STXBP5L: variants seen among roughly 807,000 people sequenced by gnomAD.
The protein encoded by STXBP5L is syntaxin-binding protein 5-like.
A neutral mutation model predicts 144.5 loss-of-function variants in STXBP5L; 65 were observed. The ratio of observed to expected loss-of-function variants is 0.45; its 90% CI spans 0.37 to 0.55. The LOEUF is 0.55. Among genes scored for constraint, STXBP5L ranks in the 20% least tolerant of loss-of-function variants. The probability of loss-of-function intolerance (pLI) is 0.00; values close to 1 mark genes in which losing one functional copy is unlikely to be tolerated. For synonymous variants in STXBP5L, 505 were observed against 469.6 expected, an observed-to-expected ratio of 1.08 and a Z score of -0.97; for missense variants, 1,298 against 1,405.5, an observed-to-expected ratio of 0.92 and a Z score of 1.22.
intron 3 of STXBP5L, among the ~76,000 whole-genome samples, chr3:121,038,421 G>A (rs539306061): frequency 1.3e-5 from 2 of 151,666 alleles, no homozygotes; most frequent in African/African-American, 4.8e-5. Flanking sequence ...GGGTTTTCTG[G>A]ATGTTATTAA....
chr3:121,083,948 A>G (rs1480677100), intron 5 of STXBP5L, among the ~76,000 whole-genome samples: 3 of 151,950 alleles, frequency 2.0e-5, no homozygotes, highest in African/African-American at 4.8e-5. Flanking sequence ...TTCATTCCTG[A>G]TGTTTGCACT....
At chr3:121,226,170 G>A (rs1477027844) in intron 11 of STXBP5L, among the ~76,000 whole-genome samples, 3 of 152,184 alleles carry the variant, frequency 2.0e-5, no homozygotes, top group African/African-American at 4.8e-5. Context: ...CCCAAGGCAT[G>A]CTTGCCATCT....
chr3:121,209,326 A>G (rs940517029), intron 10 of STXBP5L, among the ~76,000 whole-genome samples: 2 of 152,204 alleles, frequency 1.3e-5, no homozygotes, highest in African/African-American at 4.8e-5. Flanking sequence ...TTCTGGTTCT[A>G]GATCCTTGAG....
At chr3:120,989,257 T>C (rs2107942977) in intron 3 of STXBP5L, among the ~76,000 whole-genome samples, 1 of 152,284 alleles carries the variant, frequency 6.6e-6, no homozygotes, top group African/African-American at 2.4e-5. Context: ...ACAAGCAATG[T>C]ATAATTGTTC....
chr3:121,353,893 A>G (rs950592553), intron 20 of STXBP5L, among the ~76,000 whole-genome samples: 1 of 152,092 alleles, frequency 6.6e-6, no homozygotes, highest in African/African-American at 2.4e-5. Flanking sequence ...CTTTGTTCTC[A>G]TTGGTTTCAA....
chr3:121,300,814 T>TA (rs143841897), intron 19 of STXBP5L, among the ~76,000 whole-genome samples: 5,446 of 152,072 alleles, frequency 0.036, 144 homozygotes, highest in Middle Eastern at 0.082. Flanking sequence ...TTATATTAAA[T>TA]AGAGTACACA....
chr3:121,185,229 G>T (rs1351433269), intron 9 of STXBP5L, among the ~76,000 whole-genome samples: 24 of 152,084 alleles, frequency 1.6e-4, no homozygotes, highest in Non-Finnish European at 2.9e-5. Flanking sequence ...TGCAAAAATT[G>T]TCTCCCATTC....
At chr3:121,402,134 A>T (rs1278436123) in intron 22 of STXBP5L, among the ~76,000 whole-genome samples, 1 of 152,156 alleles carries the variant, frequency 6.6e-6, no homozygotes, top group East Asian at 1.9e-4. Context: ...AGAAGTTTAA[A>T]AATCCATAAT....
At chr3:121,134,976 G>T (rs998319663) in intron 7 of STXBP5L, among the ~76,000 whole-genome samples, 1 of 150,964 alleles carries the variant, frequency 6.6e-6, no homozygotes, top group Non-Finnish European at 1.5e-5. Flanking sequence ...TTGAGGAATC[G>T]CCACACTGTC....
chr3:121,051,035 C>G (rs2107589352), intron 5 of STXBP5L, among the ~76,000 whole-genome samples: 1 of 152,316 alleles, frequency 6.6e-6, no homozygotes, highest in South Asian at 2.1e-4. Flanking sequence ...GAAGAGCTAA[C>G]TATCCTAAAT....
intron 5 of STXBP5L, among the ~76,000 whole-genome samples, chr3:121,069,107 A>G (rs1027952549): frequency 6.6e-6 from 1 of 152,200 alleles, no homozygotes; most frequent in African/African-American, 2.4e-5. Flanking sequence ...TTCTATCACC[A>G]CAAAGATTGT....
chr3:121,094,017 A>C (rs889892458), intron 5 of STXBP5L, among the ~76,000 whole-genome samples: 2 of 151,864 alleles, frequency 1.3e-5, no homozygotes, highest in Non-Finnish European at 2.9e-5. Context: ...TTCTGCCTTC[A>C]TTTTGTTATG....
intron 3 of STXBP5L, among the ~76,000 whole-genome samples, chr3:120,956,087 C>G (rs1938003653): frequency 6.6e-6 from 1 of 151,910 alleles, no homozygotes; most frequent in African/African-American, 2.4e-5. Flanking sequence ...TCTTACTAAA[C>G]AACTATGATC....
chr3:121,241,418 C>T (rs2049665761), intron 14 of STXBP5L, among the ~76,000 whole-genome samples: 1 of 145,118 alleles, frequency 6.9e-6, no homozygotes, highest in Non-Finnish European at 1.5e-5. Context: ...CACGCACACA[C>T]CTTTCTCCCA....
At chr3:121,122,277 A>C (rs904600775) in intron 7 of STXBP5L, among the ~76,000 whole-genome samples, 41 of 150,710 alleles carry the variant, frequency 2.7e-4, no homozygotes, top group Non-Finnish European at 8.9e-5. Flanking sequence ...CTTTATTTTT[A>C]AAGGATAGAA....
chr3:121,341,651 T>C (rs1249583037), intron 20 of STXBP5L, among the ~76,000 whole-genome samples: 1 of 152,154 alleles, frequency 6.6e-6, no homozygotes, highest in Non-Finnish European at 1.5e-5. Flanking sequence ...AAAGAAAATA[T>C]GGTAGATATA....
intron 5 of STXBP5L, among the ~76,000 whole-genome samples, chr3:121,068,329 G>A (rs1398652318): frequency 6.6e-6 from 1 of 152,186 alleles, no homozygotes; most frequent in Admixed American, 6.5e-5. Context: ...TATACTTGGT[G>A]TACCTAACAT....
chr3:121,366,591 A>C (rs538139086), intron 20 of STXBP5L, among the ~76,000 whole-genome samples: 1 of 152,066 alleles, frequency 6.6e-6, no homozygotes, highest in Non-Finnish European at 1.5e-5. Flanking sequence ...TTTGCATGGA[A>C]TCTCTTTCTC....
At chr3:121,374,860 G>A (rs1052536244) in intron 20 of STXBP5L, among the ~76,000 whole-genome samples, 6 of 151,948 alleles carry the variant, frequency 3.9e-5, no homozygotes, top group African/African-American at 1.2e-4. Context: ...TGGAAAACAA[G>A]CAAACAAATA....
Sources: gnomAD v4.1 joint callset for allele counts (sites outside exome capture counted in the v4.1 genomes callset) on GRCh38, gnomAD v4.1.1 for gene constraint, MANE v1.5 for transcripts, NCBI Gene and HGNC (gene_info 2026-07-23, HGNC 2026-07-21) for gene names.